BMPER: variants seen among roughly 807,000 people sequenced by gnomAD.
The protein encoded by BMPER is BMP binding endothelial regulator.
A neutral mutation model predicts 87.3 loss-of-function variants in BMPER; 45 were observed. The ratio of observed to expected loss-of-function variants is 0.52; its 90% CI spans 0.41 to 0.66. BMPER has a LOEUF of 0.66. BMPER is among the 30% of genes least tolerant of loss of function. The pLI is 0.00. For missense variants in BMPER, 784 were observed against 867.5 expected, an observed-to-expected ratio of 0.90 and a Z score of 1.21; for synonymous variants, 326 against 316.2, an observed-to-expected ratio of 1.03 and a Z score of -0.33.
At chr7:34,136,854 G>C (rs969267326) in intron 13 of BMPER, among the ~76,000 whole-genome samples, 9 of 152,220 alleles carry the variant, frequency 5.9e-5, no homozygotes, top group African/African-American at 2.2e-4. Context: ...GTCACTCCTG[G>C]CTTGCCCTTC....
chr7:34,017,818 G>C (rs1294560482), intron 6 of BMPER, among the ~76,000 whole-genome samples: 3 of 151,822 alleles, frequency 2.0e-5, no homozygotes, highest in Non-Finnish European at 2.9e-5. Flanking sequence ...TATCTAAAGG[G>C]AGAGCCAGCT....
chr7:33,963,063 G>A (rs1295325286), intron 3 of BMPER, among the ~76,000 whole-genome samples: 1 of 152,174 alleles, frequency 6.6e-6, no homozygotes, highest in Non-Finnish European at 1.5e-5. Context: ...ATGGCACCTG[G>A]ATTCTAGTGT....
rs757962483 is a variant in BMPER at position 34,031,883 on chromosome 7, CATATATATATATATATATATATATAT to C, written c.577-14403_577-14378del. On this transcript the variant is annotated intron_variant, in intron 6 of 14. Coordinates refer to ENST00000649409, the MANE Select transcript of BMPER (RefSeq NM_001365308.1). ...GCATGGCATTTAAAATTAATTTGAC[CATATATATATATATATATATATATAT>C]ATATATATATATATATATACACACA... Among the ~76,000 whole-genome samples the C allele has an allele frequency of 6.8e-4, 36 of 53,068 alleles. 1 individual carries two copies. The highest frequency in any genetic ancestry group is 1.6e-3 in the Admixed American group (6 of 3,786). The allele number at this position is 53,068 out of a possible 152,430, so 34.8% of individuals were successfully genotyped here.
rs533717108 is a variant in BMPER, at chr7:33,986,983, G to A, written c.576+12199G>A. On this transcript the variant is annotated intron_variant, in intron 6 of 14. Transcript: ENST00000649409. Reference sequence around the variant, plus strand: ...GCCCTTCTGTTCCATCTCCTTCCCCGCCTGCTTCCACTTCCCTGTCCCTGG... The same window carrying A: ...GCCCTTCTGTTCCATCTCCTTCCCCACCTGCTTCCACTTCCCTGTCCCTGG... Among the ~76,000 whole-genome samples, 3 of 151,660 alleles carry A rather than the reference G, an allele frequency of 2.0e-5. No individual in the cohort carries two copies. The East Asian group carries it at 5.8e-4, about 29-fold the overall frequency.
At chr7:34,064,960 T>A (rs1253872026) in intron 11 of BMPER, among the ~76,000 whole-genome samples, 1 of 152,190 alleles carries the variant, frequency 6.6e-6, no homozygotes, top group Non-Finnish European at 1.5e-5. Context: ...CTTCGAGACC[T>A]CCTACTTTGA....
chr7:34,151,079 C>T (rs1029227210), intron 14 of BMPER, among the ~76,000 whole-genome samples: 7 of 152,106 alleles, frequency 4.6e-5, no homozygotes, highest in Admixed American at 1.3e-4. Context: ...TAGATAATGG[C>T]ACCAGATCAA....
intron 13 of BMPER, among the ~76,000 whole-genome samples, chr7:34,087,220 A>G (rs1789239915): frequency 6.6e-6 from 1 of 152,058 alleles, no homozygotes; most frequent in African/African-American, 2.4e-5. Context: ...CCTTCAAGCC[A>G]TTTTCCTGTT....
chr7:34,031,894 AT>A (rs1185222326), intron 6 of BMPER, among the ~76,000 whole-genome samples: 1 of 105,510 alleles, frequency 9.5e-6, no homozygotes, highest in Non-Finnish European at 1.8e-5. Context: ...ATATATATAT[AT>A]ATATATATAT....
chr7:33,917,457 T>C (rs73693047), intron 2 of BMPER, among the ~76,000 whole-genome samples: 4,175 of 152,184 alleles, frequency 0.027, 199 homozygotes, highest in African/African-American at 0.096. Flanking sequence ...CTCTGCCAAA[T>C]GAGAAGTTCA....
At position 34,086,086 on chromosome 7, in the gene BMPER, T is replaced by C. The variant is rs1372132682; in HGVS notation, c.1739T>C (p.Phe580Ser). 1 of 1,613,820 alleles carries C rather than the reference T, an allele frequency of 6.2e-7. No individual in the cohort carries two copies. Among genetic ancestry groups the C allele is most frequent in the Non-Finnish European group, 8.5e-7 (1 of 1,179,952 alleles). ...TCHSTVDYATFYRSCVTDMCE... is the reference protein window; with the variant it reads ...TCHSTVDYATSYRSCVTDMCE... ...CACTCGACTGTGGACTACGCCACTT[T>C]CTACCGGTAAGTACAGTGTTCTGGG... Residue 580 changes from phenylalanine to serine, a missense_variant, in exon 13 of 15, where the codon TTC becomes TCC. Transcript: ENST00000649409.
chr7:33,938,689 G>C (rs1057157995), intron 3 of BMPER, among the ~76,000 whole-genome samples: 1 of 152,148 alleles, frequency 6.6e-6, no homozygotes, highest in African/African-American at 2.4e-5. Context: ...GTGAGTAGGG[G>C]GAGACATGGA....
chr7:34,081,314 A>C (rs1789041053), intron 12 of BMPER, among the ~76,000 whole-genome samples: 1 of 152,156 alleles, frequency 6.6e-6, no homozygotes, highest in African/African-American at 2.4e-5. Flanking sequence ...CATAGATTTA[A>C]AAAAAAATTT....
intron 6 of BMPER, among the ~76,000 whole-genome samples, chr7:34,031,923 T>TAC (rs1173892398): frequency 6.1e-4 from 63 of 103,778 alleles, no homozygotes; most frequent in African/African-American, 2.6e-3. Context: ...TATATATATA[T>TAC]ATATACACAC....
intron 3 of BMPER, among the ~76,000 whole-genome samples, chr7:33,949,249 T>G (rs1488227114): frequency 6.6e-6 from 1 of 152,212 alleles, no homozygotes; most frequent in Non-Finnish European, 1.5e-5. Context: ...ATGTGTGTGC[T>G]TGGCTGCATA....
chr7:34,150,730 A>G (rs1381542471), intron 14 of BMPER, among the ~76,000 whole-genome samples: 1 of 152,180 alleles, frequency 6.6e-6, no homozygotes, highest in Non-Finnish European at 1.5e-5. Context: ...TCACCCATGT[A>G]TCCATCCACT....
At chr7:34,114,129 C>T (rs1790052083) in intron 13 of BMPER, among the ~76,000 whole-genome samples, 1 of 152,204 alleles carries the variant, frequency 6.6e-6, no homozygotes, top group African/African-American at 2.4e-5. Context: ...GTTTCACCCC[C>T]TTCCTCTTGT....
At chr7:34,074,866 T>G (rs1479889022) in intron 11 of BMPER, among the ~76,000 whole-genome samples, 2 of 152,234 alleles carry the variant, frequency 1.3e-5, no homozygotes, top group Admixed American at 6.5e-5. Context: ...TATGTTCAAA[T>G]AAATACATGC....
At chr7:33,925,019 C>T (rs1405204785) in intron 2 of BMPER, among the ~76,000 whole-genome samples, 1 of 152,122 alleles carries the variant, frequency 6.6e-6, no homozygotes, top group Non-Finnish European at 1.5e-5. Flanking sequence ...TATTCTGTTC[C>T]CTTGTCCCGC....
intron 3 of BMPER, among the ~76,000 whole-genome samples, chr7:33,952,702 G>T (rs537751605): frequency 1.3e-5 from 2 of 152,270 alleles, no homozygotes; most frequent in Non-Finnish European, 2.9e-5. Context: ...GATGCTGAAT[G>T]GTAAATGTTC....
Sources: gnomAD v4.1 joint callset for allele counts (sites outside exome capture counted in the v4.1 genomes callset) on GRCh38, gnomAD v4.1.1 for gene constraint, MANE v1.5 for transcripts, NCBI Gene and HGNC (gene_info 2026-07-23, HGNC 2026-07-21) for gene names.